SLC16A2: variants seen among roughly 807,000 people sequenced by gnomAD.
The protein encoded by SLC16A2 is monocarboxylate transporter 8.
Under a neutral mutation model 27.2 loss-of-function variants are expected in SLC16A2, and 3 were observed. That is an observed-to-expected ratio of 0.11 (90% CI 0.05 to 0.28). The LOEUF (loss-of-function observed/expected upper bound fraction) is 0.28. SLC16A2 is among the 10% of genes least tolerant of loss of function. The probability of loss-of-function intolerance (pLI) is 1.00; values close to 1 mark genes in which losing one functional copy is unlikely to be tolerated. For synonymous variants in SLC16A2, 202 were observed against 187.8 expected, an observed-to-expected ratio of 1.08 and a Z score of -0.62; for missense variants, 295 against 458.5, an observed-to-expected ratio of 0.64 and a Z score of 3.26.
chrX:74,520,961 A>C, intron 1 of SLC16A2, 29 bp from the exon 2 acceptor site: 1 of 1,209,881 alleles, frequency 8.3e-7, no homozygotes, highest in South Asian at 1.8e-5. Context: ...CACTAAGCTA[A>C]AGTGTCTTTG....
chrX:74,422,617 G>A (rs1928328865), intron 1 of SLC16A2, among the ~76,000 whole-genome samples: 1 of 111,422 alleles, frequency 9.0e-6, no homozygotes, highest in African/African-American at 3.3e-5. Flanking sequence ...CAAACACATG[G>A]CAGGCGTGCG....
chrX:74,431,973 G>C (rs1928542101), intron 1 of SLC16A2, among the ~76,000 whole-genome samples: 1 of 111,707 alleles, frequency 9.0e-6, no homozygotes, highest in African/African-American at 3.3e-5. Flanking sequence ...AATACTAGCT[G>C]TGTTTTCTTT....
rs185193975 is a variant in SLC16A2, at chrX:74,426,041, A to T, written c.430+3974A>T. 6.9e-4 allele frequency among the ~76,000 whole-genome samples: 77 copies of T among 111,885 alleles called. 1 individual carries two copies. Among genetic ancestry groups the T allele is most frequent in the African/African-American group, 2.5e-3 (77 of 30,820 alleles). On this transcript the variant is annotated intron_variant, in intron 1 of 5. Transcript: ENST00000587091. ...AATGATACACTCTGCCTTTGGGTGA[A>T]CCAAGAGTCCCAAGGTTGGGTGGGG...
rs889467375 is a variant in SLC16A2, at chrX:74,493,001, C to T, written c.431-27989C>T. On this transcript the variant is annotated intron_variant, in intron 1 of 5. Transcript: ENST00000587091. ...CGATGTTTTTCTCATCCAGCACAGA[C>T]ACTCTGTCTCAGATGTCTGTTCTTG... Among the ~76,000 whole-genome samples, 3 of 111,971 alleles carry T rather than the reference C, an allele frequency of 2.7e-5. No individual in the cohort carries two copies. The Admixed American group carries it at 2.8e-4, about 11-fold the overall frequency.
Position 74,455,263 on chromosome X carries a change from G to A in SLC16A2, c.430+33196G>A, listed in dbSNP as rs191342317. Reference sequence around the variant, plus strand: ...CTATAATTATGATTAAATACTATACGCTTTCATATATTTTATCTCGGGGAA... The same window carrying A: ...CTATAATTATGATTAAATACTATACACTTTCATATATTTTATCTCGGGGAA... On this transcript the variant is annotated intron_variant, in intron 1 of 5. Coordinates refer to ENST00000587091, the MANE Select transcript of SLC16A2 (RefSeq NM_006517.5). 2.7e-5 allele frequency among the ~76,000 whole-genome samples: 3 copies of A among 111,318 alleles called. No individual in the cohort carries two copies. The East Asian group carries it at 8.5e-4, about 31-fold the overall frequency.
At chrX:74,494,879 C>A (rs1221348950) in intron 1 of SLC16A2, among the ~76,000 whole-genome samples, 1 of 111,408 alleles carries the variant, frequency 9.0e-6, no homozygotes, top group Non-Finnish European at 1.9e-5. Context: ...GACACCCCTA[C>A]CTGCTCTACC....
intron 1 of SLC16A2, among the ~76,000 whole-genome samples, chrX:74,511,271 TC>T (rs1432969752): frequency 9.0e-6 from 1 of 110,523 alleles, no homozygotes; most frequent in African/African-American, 3.3e-5. Flanking sequence ...AAGCTCCGCC[TC>T]CCAGGTTCGC....
At chrX:74,476,253 G>T (rs1304849410) in intron 1 of SLC16A2, among the ~76,000 whole-genome samples, 2 of 111,669 alleles carry the variant, frequency 1.8e-5, no homozygotes, top group Non-Finnish European at 3.8e-5. Context: ...ATTGTGAATG[G>T]GAGTTCACTC....
chrX:74,448,472 T>G (rs1461098678), intron 1 of SLC16A2, among the ~76,000 whole-genome samples: 1 of 110,250 alleles, frequency 9.1e-6, no homozygotes, highest in Non-Finnish European at 1.9e-5. Context: ...CCCTTTCTGA[T>G]CAATTACTTG....
intron 1 of SLC16A2, among the ~76,000 whole-genome samples, chrX:74,491,509 T>C (rs1324192728): frequency 8.9e-6 from 1 of 111,838 alleles, no homozygotes; most frequent in Non-Finnish European, 1.9e-5. Context: ...ATTGTAAATG[T>C]TTCTTATCAG....
intron 2 of SLC16A2, among the ~76,000 whole-genome samples, chrX:74,521,409 G>A (rs1232297179): frequency 1.8e-5 from 2 of 112,382 alleles, no homozygotes; most frequent in Non-Finnish European, 1.9e-5. Flanking sequence ...GCCCAAGTCC[G>A]GTTTTGGCCA....
intron 1 of SLC16A2, among the ~76,000 whole-genome samples, chrX:74,517,269 A>C (rs974892840): frequency 1.8e-5 from 2 of 112,198 alleles, no homozygotes; most frequent in African/African-American, 6.5e-5. Context: ...GTTATTTCAC[A>C]ATTAAAAATT....
chrX:74,512,544 T>A (rs773892010), intron 1 of SLC16A2, among the ~76,000 whole-genome samples: 34 of 112,327 alleles, frequency 3.0e-4, no homozygotes, highest in African/African-American at 1.0e-3. Flanking sequence ...CTTTTGTTAG[T>A]TCCCCACAAT....
chrX:74,461,055 C>T (rs1929131968), intron 1 of SLC16A2, among the ~76,000 whole-genome samples: 2 of 112,189 alleles, frequency 1.8e-5, no homozygotes, highest in Non-Finnish European at 1.9e-5. Context: ...ATGAATATCT[C>T]AGACAAATAA....
At chrX:74,528,679 G>A (rs1029416139) in intron 4 of SLC16A2, among the ~76,000 whole-genome samples, 3 of 111,608 alleles carry the variant, frequency 2.7e-5, no homozygotes, top group Non-Finnish European at 5.7e-5. Context: ...TTTATGCCAA[G>A]GTATTTTATA....
chrX:74,527,226 C>T (rs1056026590), intron 4 of SLC16A2, among the ~76,000 whole-genome samples: 1 of 112,515 alleles, frequency 8.9e-6, no homozygotes, highest in African/African-American at 3.2e-5. Flanking sequence ...TTTCCTTACT[C>T]TTACTTCACC....
At chrX:74,444,134 C>A (rs1410325243) in intron 1 of SLC16A2, among the ~76,000 whole-genome samples, 2 of 111,040 alleles carry the variant, frequency 1.8e-5, no homozygotes, top group Non-Finnish European at 3.8e-5. Flanking sequence ...CTGGGAGACC[C>A]CTGAGTAGCA....
intron 1 of SLC16A2, among the ~76,000 whole-genome samples, chrX:74,436,250 C>T (rs181818431): frequency 5.4e-5 from 6 of 111,434 alleles, no homozygotes; most frequent in Admixed American, 4.8e-4. Flanking sequence ...AATTTCAATG[C>T]GAAGCTAATG....
chrX:74,473,669 T>G, intron 1 of SLC16A2: 1 of 1,075,966 alleles, frequency 9.3e-7, no homozygotes, highest in Non-Finnish European at 1.3e-6. Flanking sequence ...TTGAGAATCT[T>G]CTCTTGAGAC....
Sources: gnomAD v4.1 joint callset for allele counts (sites outside exome capture counted in the v4.1 genomes callset) on GRCh38, gnomAD v4.1.1 for gene constraint, MANE v1.5 for transcripts, NCBI Gene and HGNC (gene_info 2026-07-23, HGNC 2026-07-21) for gene names.